The following UPP2 variants were observed in gnomAD, a reference collection of about 807,000 sequenced individuals.
UPP2 encodes uridine phosphorylase 2.
In UPP2, 23 loss-of-function variants were observed where a neutral mutation model predicts 26.7. That is an observed-to-expected ratio of 0.86 (90% CI 0.62 to 1.22). The LOEUF (loss-of-function observed/expected upper bound fraction) is 1.22, where lower values mean the gene tolerates loss of function less well. Among genes scored for constraint, UPP2 ranks in the 50% most tolerant of loss-of-function variants. UPP2 has a pLI of 0.00. For missense variants in UPP2, 387 were observed against 396.7 expected (o/e 0.98, Z 0.21); for synonymous variants, 127 against 141.3 (o/e 0.90, Z 0.72).
intron 3 of UPP2, among the ~76,000 whole-genome samples, chr2:158,023,255 C>T (rs1683784433): frequency 6.7e-6 from 1 of 148,534 alleles, no homozygotes; most frequent in African/African-American, 2.5e-5. Flanking sequence ...GGAAGGCTTT[C>T]AGTCCAGTGC....
At position 158,054,995 on chromosome 2, in the gene UPP2, C is replaced by T. The variant is rs563219036; in HGVS notation, c.147+39109C>T. Among the ~76,000 whole-genome samples the T allele has an allele frequency of 6.6e-5, 10 of 152,308 alleles. No homozygotes were observed. In the East Asian group the frequency reaches 1.2e-3, roughly 18 times the overall value. Reference sequence around the variant, plus strand: ...TCCCTAGCCCCTGACAACCACTATTCTACTTCCTGTCTCTACTAGTTTGAC... The same window carrying T: ...TCCCTAGCCCCTGACAACCACTATTTTACTTCCTGTCTCTACTAGTTTGAC... On this transcript the variant is annotated intron_variant, in intron 3 of 9. Coordinates refer to the UPP2 transcript ENST00000605860.
chr2:158,127,105 C>T (rs1391005577), intron 6 of UPP2, among the ~76,000 whole-genome samples: 2 of 152,152 alleles, frequency 1.3e-5, no homozygotes, highest in Non-Finnish European at 2.9e-5. Flanking sequence ...CACAAGGAGG[C>T]CTTGGGTCCA....
At chr2:158,073,939 C>G (rs1682585132) in intron 3 of UPP2, among the ~76,000 whole-genome samples, 1 of 152,164 alleles carries the variant, frequency 6.6e-6, no homozygotes, top group Non-Finnish European at 1.5e-5. Flanking sequence ...TTTTGGGAGA[C>G]CAGTGCGGGA....
At chr2:158,000,415 C>T (rs1683387317) in intron 2 of UPP2, among the ~76,000 whole-genome samples, 2 of 152,200 alleles carry the variant, frequency 1.3e-5, no homozygotes. Context: ...TCTCATAATA[C>T]TGGAAAACTG....
chr2:158,021,516 G>A (rs1683752153), intron 3 of UPP2, among the ~76,000 whole-genome samples: 1 of 152,236 alleles, frequency 6.6e-6, no homozygotes, highest in Non-Finnish European at 1.5e-5. Context: ...AAACACAGCA[G>A]AGAAGAAATT....
chr2:158,134,099 A>T (rs1574315963), intron 6 of UPP2: 1 of 152,184 alleles, frequency 6.6e-6, no homozygotes, highest in East Asian at 1.9e-4. Flanking sequence ...TTCCTATAAG[A>T]TTTCATTCTC....
intron 3 of UPP2, among the ~76,000 whole-genome samples, chr2:158,021,768 T>C (rs1558906000): frequency 1.3e-5 from 2 of 152,220 alleles, no homozygotes; most frequent in African/African-American, 4.8e-5. Flanking sequence ...AGTATTATAC[T>C]ATCATCATAG....
chr2:158,014,079 T>C (rs1470217986), intron 2 of UPP2, among the ~76,000 whole-genome samples: 2 of 152,228 alleles, frequency 1.3e-5, no homozygotes, highest in Non-Finnish European at 2.9e-5. Context: ...TAACACAGGA[T>C]TTCCACTTAG....
intron 3 of UPP2, among the ~76,000 whole-genome samples, chr2:158,117,522 T>C (rs1184710650): frequency 6.6e-6 from 1 of 151,956 alleles, no homozygotes; most frequent in Non-Finnish European, 1.5e-5. Flanking sequence ...AGATGGGAAA[T>C]GGCACCGCCC....
At chr2:158,062,599 C>G (rs946037633) in intron 3 of UPP2, among the ~76,000 whole-genome samples, 1 of 152,110 alleles carries the variant, frequency 6.6e-6, no homozygotes, top group Admixed American at 6.6e-5. Context: ...ATGTTTGACC[C>G]AAGGATAGGA....
At chr2:158,115,352 T>C in intron 3 of UPP2, 93 bp downstream of exon 3, 1 of 1,434,108 alleles carries the variant, frequency 7.0e-7, no homozygotes, top group Non-Finnish European at 9.2e-7. Flanking sequence ...CCCTCCAGCT[T>C]CGCATTCTTA....
chr2:158,015,802 T>C (rs1683648875), exon 3 of UPP2: 1 of 453,750 alleles, frequency 2.2e-6, no homozygotes, highest in Non-Finnish European at 4.4e-6. Flanking sequence ...CATGGTAAGA[T>C]GTGCCTGCTT....
At chr2:158,132,833 C>T (rs1312556110) in intron 6 of UPP2, among the ~76,000 whole-genome samples, 1 of 152,152 alleles carries the variant, frequency 6.6e-6, no homozygotes, top group Admixed American at 6.5e-5. Context: ...TGTCGCTTCA[C>T]ACCTGCTAGA....
At chr2:158,046,513 T>C (rs1191458940) in intron 3 of UPP2, among the ~76,000 whole-genome samples, 1 of 152,162 alleles carries the variant, frequency 6.6e-6, no homozygotes, top group Non-Finnish European at 1.5e-5. Context: ...GGTTAGGAAA[T>C]AGGGAGACGG....
At chr2:158,011,185 C>A (rs956382917) in intron 2 of UPP2, among the ~76,000 whole-genome samples, 7 of 152,088 alleles carry the variant, frequency 4.6e-5, no homozygotes, top group African/African-American at 1.5e-4. Flanking sequence ...TGGGGAACAC[C>A]CTTTGGTTTC....
At chr2:158,078,519 T>C (rs185430828) in intron 3 of UPP2, among the ~76,000 whole-genome samples, 20 of 152,204 alleles carry the variant, frequency 1.3e-4, no homozygotes, top group African/African-American at 4.8e-4. Flanking sequence ...TTGAGTGAAA[T>C]AAGCCAGGCA....
intron 6 of UPP2, chr2:158,126,642 G>C (rs1055644509): frequency 6.6e-6 from 1 of 152,184 alleles, no homozygotes; most frequent in African/African-American, 2.4e-5. Context: ...TTGGAAGCTG[G>C]CATCTGGCAC....
At chr2:158,106,251 A>G in intron 2 of UPP2, 35 bp downstream of exon 2, 1 of 1,576,108 alleles carries the variant, frequency 6.3e-7, no homozygotes, top group South Asian at 1.1e-5. Context: ...AAAATGATTG[A>G]GTTTTCTCTA....
intron 3 of UPP2, among the ~76,000 whole-genome samples, chr2:158,029,817 C>T (rs1170140999): frequency 2.2e-5 from 3 of 137,804 alleles, no homozygotes; most frequent in African/African-American, 5.7e-5. Context: ...TTTTTTAAAA[C>T]ACTATTTAGG....
Sources: allele counts gnomAD v4.1 joint callset (sites outside exome capture counted in the v4.1 genomes callset), GRCh38; gene constraint gnomAD v4.1.1; transcripts MANE v1.5; gene names NCBI Gene and HGNC (gene_info 2026-07-23, HGNC 2026-07-21).